The following SEMA6A variants were observed in gnomAD, a reference collection of about 807,000 sequenced individuals.
SEMA6A encodes semaphorin-6A.
A neutral mutation model predicts 96.8 loss-of-function variants in SEMA6A; 25 were observed. The ratio of observed to expected loss-of-function variants is 0.26; its 90% CI spans 0.19 to 0.36. The LOEUF (loss-of-function observed/expected upper bound fraction) is 0.36. Ranked by LOEUF, SEMA6A falls within the 10% of genes least tolerant of loss-of-function variation. SEMA6A has a pLI of 1.00. For synonymous variants in SEMA6A, 612 were observed against 518.0 expected (o/e 1.18, Z -2.46); for missense variants, 1,363 against 1,323.1 (o/e 1.03, Z -0.47).
At chr5:116,462,602 A>C (rs1024013903) in intron 18 of SEMA6A, among the ~76,000 whole-genome samples, 1 of 152,198 alleles carries the variant, frequency 6.6e-6, no homozygotes, top group African/African-American at 2.4e-5. Context: ...CCCCAAACAC[A>C]AAGCTCAGTA....
chr5:116,457,313 G>T (rs1284306786), intron 18 of SEMA6A, among the ~76,000 whole-genome samples: 1 of 152,084 alleles, frequency 6.6e-6, no homozygotes, highest in Admixed American at 6.6e-5. Context: ...ACGTCCAAAA[G>T]GTTAGGCATA....
intron 10 of SEMA6A, among the ~76,000 whole-genome samples, chr5:116,484,357 G>C (rs533390180): frequency 2.6e-5 from 4 of 151,832 alleles, no homozygotes; most frequent in African/African-American, 9.7e-5. Flanking sequence ...TCTCTCCTTC[G>C]TTCCTTTCTT....
In SEMA6A at chr5:116,562,194, A is replaced by G. The variant is rs555454970; in HGVS notation, c.-39+11991T>C. ...CCTGGAACACAGTACATCAAATATT[A>G]CGAATCAATTTAATTTCAGTAATTT... On this transcript the variant is annotated intron_variant, in intron 1 of 18. Transcript: ENST00000343348. Among the ~76,000 whole-genome samples the G allele has an allele frequency of 1.7e-4, 26 of 152,316 alleles. No homozygotes were observed. The South Asian group carries it at 3.3e-3, about 19-fold the overall frequency.
chr5:116,541,151 G>A (rs964485734), intron 1 of SEMA6A, among the ~76,000 whole-genome samples: 1 of 152,056 alleles, frequency 6.6e-6, no homozygotes, highest in Non-Finnish European at 1.5e-5. Context: ...TTGGGGTGGA[G>A]GGTAAACACA....
In SEMA6A at chr5:116,447,304, G is replaced by T. The variant is rs372406609; in HGVS notation, c.2402C>A (p.Thr801Lys). 6.2e-7 allele frequency: 1 copy of T among 1,613,724 alleles called. No homozygotes were observed. The highest frequency in any genetic ancestry group is 1.1e-5 in the South Asian group (1 of 91,086). ...MPPMGSPVIPTDLPLRASPSH... is the reference protein window; with the variant it reads ...MPPMGSPVIPKDLPLRASPSH... ...GGGGGAGGCCCGCAGGGGCAGGTCC[G>T]TGGGAATCACAGGGGAGCCCATGGG... The change falls in exon 19 of 19, where the codon ACG becomes AAG. Residue 801 changes from threonine (T) to lysine (K), a missense_variant. Physicochemically the swap from Thr to Lys is moderately conservative, Grantham distance 78. This residue lies in a region of SEMA6A where 883 missense variants were observed against 763.6 expected (regional missense o/e 1.16). Coordinates refer to ENST00000343348, the MANE Select transcript of SEMA6A (RefSeq NM_020796.5).
At chr5:116,489,357 C>T (rs1049194033) in intron 7 of SEMA6A, among the ~76,000 whole-genome samples, 3 of 152,104 alleles carry the variant, frequency 2.0e-5, no homozygotes, top group Non-Finnish European at 4.4e-5. Flanking sequence ...CTACTACTGC[C>T]ACCACACCAT....
chr5:116,530,089 T>A (rs1759396985), intron 1 of SEMA6A, among the ~76,000 whole-genome samples: 1 of 151,966 alleles, frequency 6.6e-6, no homozygotes, highest in Admixed American at 6.5e-5. Context: ...CTCTTTTCTT[T>A]CAGAGTTGTA....
At chr5:116,539,346 T>C (rs904864072) in intron 1 of SEMA6A, among the ~76,000 whole-genome samples, 2 of 152,076 alleles carry the variant, frequency 1.3e-5, no homozygotes, top group African/African-American at 4.8e-5. Context: ...GCTAAAGATC[T>C]ATAGACTATT....
At chr5:116,466,405 C>G (rs1330584093) in intron 18 of SEMA6A, among the ~76,000 whole-genome samples, 1 of 150,262 alleles carries the variant, frequency 6.7e-6, no homozygotes, top group Non-Finnish European at 1.5e-5. Context: ...AGATTTGAGT[C>G]AGGGCTTATT....
At chr5:116,456,563 C>T (rs116915778) in intron 18 of SEMA6A, among the ~76,000 whole-genome samples, 1 of 152,176 alleles carries the variant, frequency 6.6e-6, no homozygotes, top group Non-Finnish European at 1.5e-5. Context: ...AGAATCAACC[C>T]AATTTGCTTG....
intron 16 of SEMA6A, among the ~76,000 whole-genome samples, chr5:116,473,525 GT>G (rs1262781547): frequency 6.6e-6 from 1 of 152,184 alleles, no homozygotes; most frequent in Non-Finnish European, 1.5e-5. Context: ...ACTGTCCAGT[GT>G]TACAGTGTTC....
chr5:116,568,501 A>T (rs1282412356), intron 1 of SEMA6A, among the ~76,000 whole-genome samples: 1 of 152,226 alleles, frequency 6.6e-6, no homozygotes, highest in Non-Finnish European at 1.5e-5. Context: ...AACTACTATT[A>T]GCAAACTCCA....
At chr5:116,456,952 C>A (rs1476336130) in intron 18 of SEMA6A, among the ~76,000 whole-genome samples, 2 of 152,170 alleles carry the variant, frequency 1.3e-5, no homozygotes, top group Non-Finnish European at 2.9e-5. Context: ...CACGAAGGTT[C>A]TTCTCCTTTA....
chr5:116,478,512 T>C (rs746659002), intron 13 of SEMA6A, 30 bp downstream of exon 13: 3 of 1,567,556 alleles, frequency 1.9e-6, no homozygotes, highest in Non-Finnish European at 2.6e-6. Context: ...AACAAATAAT[T>C]ACTAAGAAAG....
chr5:116,504,881 C>A lies in SEMA6A; in HGVS notation c.64G>T (p.Glu22Ter). The change falls in exon 2 of 19, where the codon GAA (glutamate) becomes TAA (stop). Residue 22 changes from glutamate (E) to a stop codon, truncating the protein, a stop_gained. Coordinates refer to ENST00000343348, the MANE Select transcript of SEMA6A (RefSeq NM_020796.5). LOFTEE classifies it high-confidence loss of function. ...GAAATACTGATTGGCTCAGAATCTT[C>A]TGGGAAACCAGCCCCAGCAAAGTGT... ...LLHFAGAGFP[E>*]DSEPISISHG... 6.2e-7 allele frequency: 1 copy of A among 1,604,142 alleles called. No individual in the cohort carries two copies. Among genetic ancestry groups the A allele is most frequent in the South Asian group, 1.1e-5 (1 of 88,466 alleles).
intron 1 of SEMA6A, among the ~76,000 whole-genome samples, chr5:116,544,490 G>T (rs538398475): frequency 3.8e-4 from 58 of 150,948 alleles, no homozygotes; most frequent in South Asian, 1.5e-3. Flanking sequence ...TAGAGATGGG[G>T]GTCTCATTAT....
At chr5:116,553,438 G>C (rs1490114316) in intron 1 of SEMA6A, among the ~76,000 whole-genome samples, 2 of 152,164 alleles carry the variant, frequency 1.3e-5, no homozygotes, top group Admixed American at 1.3e-4. Flanking sequence ...CCTTGCAAAA[G>C]GGGGAGAGCA....
intron 18 of SEMA6A, among the ~76,000 whole-genome samples, chr5:116,450,493 A>G (rs956507652): frequency 6.6e-6 from 1 of 152,330 alleles, no homozygotes; most frequent in African/African-American, 2.4e-5. Flanking sequence ...ACATGTATCC[A>G]TTGCTTCTTA....
chr5:116,467,492 G>A lies in SEMA6A; in HGVS notation c.1894+91C>T, dbSNP rs1755832417. On this transcript the variant is annotated intron_variant, in intron 18 of 18. Transcript: ENST00000343348. ...ATAGCGCATTGGAGGTTCCTTAAAT[G>A]CTGCCAAAATTCAGCTGGAAGCAGT... 2.2e-6 allele frequency: 3 copies of A among 1,336,054 alleles called. No individual in the cohort carries two copies. The Admixed American group carries it at 8.2e-5, about 36-fold the overall frequency. 82.8% of individuals were successfully genotyped at this position (1,336,054 alleles called of 1,614,324 possible).
Sources: allele counts gnomAD v4.1 joint callset (sites outside exome capture counted in the v4.1 genomes callset), GRCh38; gene constraint gnomAD v4.1.1; regional missense constraint gnomAD v4.1.1; transcripts MANE v1.5; gene names NCBI Gene and HGNC (gene_info 2026-07-23, HGNC 2026-07-21).